Variants in CFAP298 observed in about 807,000 individuals in gnomAD.
CFAP298 encodes cilia and flagella associated protein 298, also known as cilia- and flagella-associated protein 298.
A neutral mutation model predicts 41.0 loss-of-function variants in CFAP298; 38 were observed. The observed-to-expected ratio is 0.93, with a 90% CI of 0.72 to 1.22. The LOEUF is 1.22. Ranked by LOEUF, CFAP298 falls within the 50% of genes most tolerant of loss-of-function variation. The probability of loss-of-function intolerance (pLI) is 0.00; values close to 1 mark genes in which losing one functional copy is unlikely to be tolerated. For missense variants in CFAP298, 348 were observed against 360.3 expected, an observed-to-expected ratio of 0.97 and a Z score of 0.28; for synonymous variants, 137 against 135.3, an observed-to-expected ratio of 1.01 and a Z score of -0.09.
chr21:32,603,237 T>A lies in CFAP298; in HGVS notation c.590A>T (p.Glu197Val). 1 of 1,614,176 alleles carries A rather than the reference T, an allele frequency of 6.2e-7. No individual in the cohort carries two copies. The highest frequency in any genetic ancestry group is 8.5e-7 in the Non-Finnish European group (1 of 1,180,018). Residue 197 changes from glutamate to valine, a missense_variant, in exon 5 of 7, where the codon GAG becomes GTG. Coordinates refer to ENST00000290155, the MANE Select transcript of CFAP298 (RefSeq NM_021254.4). ...AEAQLWWAAK[E>V]LRRTKKLSDY... is the part of the protein sequence containing the mutation. ...TGAAAGCTTCTTCGTTCTTCTCAGCTCCTTGGCTGCCCACCACAGCTGCGC... is the reference window on the plus strand; with the variant it reads ...TGAAAGCTTCTTCGTTCTTCTCAGCACCTTGGCTGCCCACCACAGCTGCGC...
At position 32,607,658 on chromosome 21, in the gene CFAP298, T is replaced by C; in HGVS notation, c.366A>G (p.Ile122Met). ...ATTTAAAAAAGCCAACCTTAGATAT[T>C]ATTGCTTTGGCTTCTTCTATAGTCT... Reference protein sequence around the residue: ...LKKTIEEAKAIISKKQVEAGV... With the variant: ...LKKTIEEAKAMISKKQVEAGV... Residue 122 changes from isoleucine to methionine, a missense_variant, in exon 3 of 7, where the codon ATA (isoleucine) becomes ATG (methionine). By Grantham distance (10) the Ile-to-Met change is conservative (BLOSUM62 1). Transcript: ENST00000290155. 6.3e-7 allele frequency: 1 copy of C among 1,584,134 alleles called. No homozygotes were observed. The highest frequency in any genetic ancestry group is 8.6e-7 in the Non-Finnish European group (1 of 1,161,538).
intron 5 of CFAP298, chr21:32,602,812 T>C: frequency 7.2e-7 from 1 of 1,384,580 alleles, no homozygotes; most frequent in Non-Finnish European, 9.3e-7. Context: ...CTCCCCCTCC[T>C]GTACACAGCA....
chr21:32,603,394 G>C (rs954537062), intron 4 of CFAP298, 102 bp from the exon 5 acceptor site: 51 of 1,298,186 alleles, frequency 3.9e-5, no homozygotes, highest in Non-Finnish European at 5.2e-5. Flanking sequence ...ATTTCTCCCC[G>C]TGCTCACCAT....
intron 2 of CFAP298, among the ~76,000 whole-genome samples, chr21:32,608,830 G>GA (rs150604632): frequency 0.12 from 18,725 of 151,956 alleles, 1,686 homozygotes; most frequent in African/African-American, 0.26. Context: ...ACATTGAAAG[G>GA]AAAAAATACT....
intron 4 of CFAP298, among the ~76,000 whole-genome samples, chr21:32,603,664 T>A (rs1017460382): frequency 6.6e-6 from 1 of 152,210 alleles, no homozygotes; most frequent in Non-Finnish European, 1.5e-5. Flanking sequence ...TTTCATTTAT[T>A]TAACATGGCT....
chr21:32,603,186 G>T lies in CFAP298; in HGVS notation c.641C>A (p.Thr214Asn), dbSNP rs773772341. ...TTGCTGAATCTTGGCGATAATTTTG[G>T]TTTTTTCATTCTTCCCCACGTAGTC... is the stretch of plus-strand genomic sequence containing the variant. ...LSDYVGKNEK[T>N]KIIAKIQQRG... Residue 214 changes from threonine to asparagine, a missense_variant, in exon 5 of 7, where the codon ACC becomes AAC. Coordinates refer to ENST00000290155, the MANE Select transcript of CFAP298 (RefSeq NM_021254.4). The T allele has an allele frequency of 6.8e-6, 11 of 1,614,184 alleles. No individual in the cohort carries two copies. The highest frequency in any genetic ancestry group is 2.2e-5 in the South Asian group (2 of 91,092).
rs145152970 is a variant in CFAP298 at position 32,603,275 on chromosome 21, A to T, written c.552T>A (p.Ile184=). The part of the protein sequence containing the change: ...LSGTQAGLNV[I]KEAEAQLWWA... Reference sequence around the variant, plus strand: ...ACCACAGCTGCGCCTCTGCCTCTTTAATGACGTTGAGCCCTGCCTGGGGCC... The same window carrying T: ...ACCACAGCTGCGCCTCTGCCTCTTTTATGACGTTGAGCCCTGCCTGGGGCC... The change falls in exon 5 of 7, where the codon ATT becomes ATA. Residue 184 remains isoleucine (I), a synonymous_variant. Coordinates refer to ENST00000290155, the MANE Select transcript of CFAP298 (RefSeq NM_021254.4). 154 of 1,613,662 alleles carry T rather than the reference A, an allele frequency of 9.5e-5. No homozygotes were observed. Among genetic ancestry groups the T allele is most frequent in the South Asian group, 3.4e-4 (31 of 91,050 alleles).
In CFAP298 at chr21:32,609,943, C is replaced by T; in HGVS notation, c.202G>A (p.Asp68Asn). 6.2e-7 allele frequency: 1 copy of T among 1,614,060 alleles called. No homozygotes were observed. Among genetic ancestry groups the T allele is most frequent in the Non-Finnish European group, 8.5e-7 (1 of 1,179,950 alleles). Residue 68 changes from aspartate (D) to asparagine (N), a missense_variant, in exon 2 of 7, where the codon GAT (aspartate) becomes AAT (asparagine). Transcript: ENST00000290155. Reference sequence around the variant, plus strand: ...TTCAATTTCAATTCTTCAATCTGATCATCGGTCAGTCCTTGCATATTAGGA... The same window carrying T: ...TTCAATTTCAATTCTTCAATCTGATTATCGGTCAGTCCTTGCATATTAGGA... The part of the protein sequence containing the change: ...LPPNMQGLTD[D>N]QIEELKLKDE...
intron 1 of CFAP298, among the ~76,000 whole-genome samples, chr21:32,611,526 A>G (rs2038999789): frequency 6.6e-6 from 1 of 151,740 alleles, no homozygotes; most frequent in Non-Finnish European, 1.5e-5. Flanking sequence ...TGCCCAATGG[A>G]CAGCACAGAT....
chr21:32,602,911 G>A (rs1019970770), intron 5 of CFAP298: 23 of 1,237,980 alleles, frequency 1.9e-5, no homozygotes, highest in Non-Finnish European at 2.3e-5. Flanking sequence ...CTATTTTTAC[G>A]CTTGAAATTA....
intron 3 of CFAP298, 82 bp downstream of exon 3, chr21:32,607,567 T>C (rs971300791): frequency 9.8e-6 from 8 of 814,546 alleles, no homozygotes; most frequent in Non-Finnish European, 1.4e-5. Flanking sequence ...CACTCCAGCC[T>C]GGGCAACAAA....
intron 3 of CFAP298, among the ~76,000 whole-genome samples, chr21:32,605,676 T>C (rs1186309832): frequency 6.6e-6 from 1 of 152,134 alleles, no homozygotes; most frequent in Non-Finnish European, 1.5e-5. Context: ...TCCAAATTTG[T>C]AGTCAAGCTG....
Position 32,603,601 on chromosome 21 carries a change from G to A in CFAP298, c.535-309C>T, listed in dbSNP as rs562053866. ...ACTGCCAGGGAAGGGCACTGGCATC[G>A]TGCTGGGTGTTTAAATCGAGGTATA... On this transcript the variant is annotated intron_variant, in intron 4 of 6. Coordinates refer to ENST00000290155, the MANE Select transcript of CFAP298 (RefSeq NM_021254.4). 4.6e-4 allele frequency among the ~76,000 whole-genome samples: 70 copies of A among 152,292 alleles called. 1 individual carries two copies. In the Middle Eastern group the frequency reaches 0.01, roughly 22 times the overall value.
Position 32,601,625 on chromosome 21 carries a change from C to A in CFAP298, c.*238G>T. Reference sequence around the variant, plus strand: ...AGTTTAGTATTTTATCAAAGAAAACCATGACATACTAAATAGTCCTGAAAC... The same window carrying A: ...AGTTTAGTATTTTATCAAAGAAAACAATGACATACTAAATAGTCCTGAAAC... On this transcript the variant is annotated 3_prime_UTR_variant, in exon 7 of 7. Transcript: ENST00000290155. 1 of 392,086 alleles carries A rather than the reference C, an allele frequency of 2.6e-6. No homozygotes were observed. Among genetic ancestry groups the A allele is most frequent in the Non-Finnish European group, 4.6e-6 (1 of 217,678 alleles). The allele number at this position is 392,086 out of a possible 1,614,324, so 24.3% of individuals were successfully genotyped here.
At chr21:32,608,338 T>C (rs183739376) in intron 2 of CFAP298, among the ~76,000 whole-genome samples, 10 of 151,672 alleles carry the variant, frequency 6.6e-5, no homozygotes, top group Admixed American at 6.6e-4. Context: ...ATTGAAAATA[T>C]TAGAAACACA....
At position 32,600,239 on chromosome 21, in the gene CFAP298, T is replaced by C. The variant is rs1305687559; in HGVS notation, c.*1624A>G. Reference sequence around the variant, plus strand: ...ATAACCAAGTAAAAGAGAAAATAGATGCAAATTTGCTTTTACAAAATTTGA... The same window carrying C: ...ATAACCAAGTAAAAGAGAAAATAGACGCAAATTTGCTTTTACAAAATTTGA... On this transcript the variant is annotated 3_prime_UTR_variant, in exon 7 of 7. Coordinates refer to ENST00000290155, the MANE Select transcript of CFAP298 (RefSeq NM_021254.4). Among the ~76,000 whole-genome samples, 1 of 152,234 alleles carries C rather than the reference T, an allele frequency of 6.6e-6. No homozygotes were observed. Among genetic ancestry groups the C allele is most frequent in the Non-Finnish European group, 1.5e-5 (1 of 68,042 alleles).
intron 5 of CFAP298, 163 bp from the exon 6 acceptor site, chr21:32,602,530 T>TTGAGCAGCCC: frequency 4.2e-6 from 6 of 1,436,562 alleles, no homozygotes; most frequent in Non-Finnish European, 5.5e-6. Context: ...AGCCTTGGTC[T>TTGAGCAGCCC]TGAGCAGCCC....
rs148839701 is a variant in CFAP298, at chr21:32,604,179, C to A, written c.480G>T (p.Pro160=). 5.6e-6 allele frequency: 9 copies of A among 1,614,008 alleles called. No individual in the cohort carries two copies. In the South Asian group the frequency reaches 9.9e-5, roughly 18 times the overall value. The change falls in exon 4 of 7, where the codon CCG becomes CCT. Residue 160 remains proline (P), a synonymous_variant. Transcript: ENST00000290155. ...CAAACTCCATGCGGATGGGATCATA[C>A]GGTGGCAACCCCATGGGGTAAACAA... ...VMIVYPMGLP[P]YDPIRMEFEN... is the part of the protein sequence containing the mutation.
intron 5 of CFAP298, chr21:32,602,608 C>A: frequency 7.6e-7 from 1 of 1,322,260 alleles, no homozygotes; most frequent in Non-Finnish European, 9.6e-7. Flanking sequence ...TGACCATTCC[C>A]AAGGCAGACA....
Sources: allele counts gnomAD v4.1 joint callset (sites outside exome capture counted in the v4.1 genomes callset), GRCh38; gene constraint gnomAD v4.1.1; transcripts MANE v1.5; gene names NCBI Gene and HGNC (gene_info 2026-07-23, HGNC 2026-07-21).